The following RBMS3 variants were observed in gnomAD, a reference collection of about 807,000 sequenced individuals.
RBMS3 encodes the protein RNA binding motif single stranded interacting protein 3.
Under a neutral mutation model 66.8 loss-of-function variants are expected in RBMS3, and 27 were observed. The observed-to-expected ratio is 0.40, with a 90% confidence interval of 0.30 to 0.56. RBMS3 has a LOEUF of 0.56. Ranked by LOEUF, RBMS3 falls within the 20% of genes least tolerant of loss-of-function variation. The probability of loss-of-function intolerance (pLI) is 0.40; values close to 1 mark genes in which losing one functional copy is unlikely to be tolerated. For missense variants in RBMS3, 513 were observed against 549.5 expected (o/e 0.93, Z 0.66); for synonymous variants, 188 against 183.0 (o/e 1.03, Z -0.22).
chr3:29,300,387 A>G (rs1271853519), intron 1 of RBMS3, among the ~76,000 whole-genome samples: 1 of 151,974 alleles, frequency 6.6e-6, no homozygotes, highest in Non-Finnish European at 1.5e-5. Flanking sequence ...TTTAACAGAG[A>G]AGATTATAAG....
At chr3:29,447,237 T>C (rs774269704) in intron 2 of RBMS3, among the ~76,000 whole-genome samples, 6 of 152,154 alleles carry the variant, frequency 3.9e-5, no homozygotes, top group Non-Finnish European at 8.8e-5. Flanking sequence ...GAAAATTTTG[T>C]TTATTAAAAA....
chr3:29,735,988 G>A (rs1420425830), intron 4 of RBMS3, among the ~76,000 whole-genome samples: 1 of 152,042 alleles, frequency 6.6e-6, no homozygotes, highest in Non-Finnish European at 1.5e-5. Flanking sequence ...GTTATCTTGT[G>A]AAAAACTTTT....
At chr3:29,711,263 A>C (rs1200860099) in intron 4 of RBMS3, among the ~76,000 whole-genome samples, 1 of 152,236 alleles carries the variant, frequency 6.6e-6, no homozygotes, top group Non-Finnish European at 1.5e-5. Context: ...GAAACTGTGC[A>C]AAGTGAAATC....
At chr3:29,567,086 T>C (rs551008721) in intron 3 of RBMS3, among the ~76,000 whole-genome samples, 154 of 152,288 alleles carry the variant, frequency 1.0e-3, no homozygotes, top group Non-Finnish European at 2.0e-3. Context: ...CCTCAGTGAA[T>C]GTCATGATGT....
chr3:29,484,743 T>A (rs985976030), intron 2 of RBMS3, among the ~76,000 whole-genome samples: 1 of 152,164 alleles, frequency 6.6e-6, no homozygotes. Flanking sequence ...ACTGGGTCCC[T>A]AAAGCTACAG....
chr3:29,741,633 A>G (rs1345879782), intron 5 of RBMS3, among the ~76,000 whole-genome samples: 1 of 152,108 alleles, frequency 6.6e-6, no homozygotes, highest in Non-Finnish European at 1.5e-5. Flanking sequence ...CTACAGTGAT[A>G]TTTTTTTCTT....
At chr3:29,521,776 A>G (rs1423721904) in intron 3 of RBMS3, among the ~76,000 whole-genome samples, 1 of 152,236 alleles carries the variant, frequency 6.6e-6, no homozygotes, top group African/African-American at 2.4e-5. Context: ...CAGCGAAGGC[A>G]TCACTTGCTC....
chr3:29,747,723 G>T (rs2054986033), intron 5 of RBMS3, among the ~76,000 whole-genome samples: 1 of 152,148 alleles, frequency 6.6e-6, no homozygotes, highest in Admixed American at 6.5e-5. Flanking sequence ...GCAAAGAAAG[G>T]GGTAGTATAG....
chr3:29,423,139 G>A (rs1241699251), intron 1 of RBMS3, among the ~76,000 whole-genome samples: 1 of 152,128 alleles, frequency 6.6e-6, no homozygotes, highest in Non-Finnish European at 1.5e-5. Flanking sequence ...GGTTGCGGGG[G>A]TGGTTTCTCT....
At chr3:29,411,379 T>C (rs1226513094) in intron 1 of RBMS3, among the ~76,000 whole-genome samples, 7 of 152,230 alleles carry the variant, frequency 4.6e-5, no homozygotes, top group Admixed American at 3.3e-4. Flanking sequence ...CCTCATTCTA[T>C]AGCAAACAAT....
At chr3:29,976,538 A>G (rs1697597842) in intron 12 of RBMS3, among the ~76,000 whole-genome samples, 5 of 152,098 alleles carry the variant, frequency 3.3e-5, no homozygotes, top group Admixed American at 3.3e-4. Context: ...ACAGAAGTAG[A>G]AAGAATATAG....
intron 4 of RBMS3, among the ~76,000 whole-genome samples, chr3:29,626,928 C>T (rs1352971376): frequency 6.6e-6 from 1 of 152,036 alleles, no homozygotes; most frequent in African/African-American, 2.4e-5. Context: ...ATGCAAAGTG[C>T]CAAGGGCAGT....
chr3:29,835,652 G>A (rs1398326020), intron 6 of RBMS3, among the ~76,000 whole-genome samples: 2 of 151,848 alleles, frequency 1.3e-5, no homozygotes, highest in African/African-American at 4.8e-5. Flanking sequence ...AGTTTAGAGT[G>A]ATAAATTCCT....
At chr3:29,364,088 G>A (rs2037763893) in intron 1 of RBMS3, among the ~76,000 whole-genome samples, 1 of 152,014 alleles carries the variant, frequency 6.6e-6, no homozygotes, top group Admixed American at 6.6e-5. Context: ...AATGTTTATT[G>A]CAGGCATATT....
intron 6 of RBMS3, among the ~76,000 whole-genome samples, chr3:29,813,206 C>A (rs1341636221): frequency 6.6e-6 from 1 of 151,958 alleles, no homozygotes; most frequent in Non-Finnish European, 1.5e-5. Context: ...TTTCTTAAGG[C>A]CATTCTTTTT....
chr3:29,367,202 A>G (rs2125593722), intron 1 of RBMS3, among the ~76,000 whole-genome samples: 1 of 152,308 alleles, frequency 6.6e-6, no homozygotes, highest in Middle Eastern at 3.4e-3. Context: ...AGAAAAATTA[A>G]CATTCATTTC....
rs141580461 is a variant in RBMS3, at chr3:29,304,011, C to A, written c.75+22255C>A. 4.5e-3 allele frequency among the ~76,000 whole-genome samples: 691 copies of A among 152,022 alleles called. 7 individuals carry two copies. The highest frequency in any genetic ancestry group is 0.031 in the Middle Eastern group (9 of 292). ...ATGAGAACAGTATGGGGGAAACTGC[C>A]CCCATGATTCAAATTATCTCCCACC... On this transcript the variant is annotated intron_variant, in intron 1 of 14. Transcript: ENST00000383767.
intron 1 of RBMS3, among the ~76,000 whole-genome samples, chr3:29,360,494 G>C (rs2037509763): frequency 6.6e-6 from 1 of 151,982 alleles, no homozygotes; most frequent in Non-Finnish European, 1.5e-5. Flanking sequence ...CAATAGCTGT[G>C]GTGTCGTGCT....
rs1179224664 is a variant in RBMS3 at position 30,004,962 on chromosome 3, A to G, written c.*1100A>G. 6.6e-6 allele frequency: 1 copy of G among 151,466 alleles called. No homozygotes were observed. Among genetic ancestry groups the G allele is most frequent in the African/African-American group, 2.4e-5 (1 of 41,280 alleles). The allele number at this position is 151,466 out of a possible 1,614,324, so 9.4% of individuals were successfully genotyped here. ...AAAAAAAACAAAAAAAAAGCAATAG[A>G]TAGAGAAATTGTTGACAATTTCTGT... On this transcript the variant is annotated 3_prime_UTR_variant, in exon 15 of 15. Coordinates refer to ENST00000383767, the MANE Select transcript of RBMS3 (RefSeq NM_001003793.3).
Sources: gnomAD v4.1 joint callset for allele counts (sites outside exome capture counted in the v4.1 genomes callset) on GRCh38, gnomAD v4.1.1 for gene constraint, MANE v1.5 for transcripts, NCBI Gene and HGNC (gene_info 2026-07-23, HGNC 2026-07-21) for gene names.